The following RALGPS2 variants were observed in gnomAD, a reference collection of about 807,000 sequenced individuals.
RALGPS2 encodes the protein ras-specific guanine nucleotide-releasing factor RalGPS2.
RALGPS2 carries 43 observed loss-of-function variants against 86.8 expected under a neutral mutation model. The ratio of observed to expected loss-of-function variants is 0.50; its 90% confidence interval spans 0.39 to 0.64. The LOEUF (loss-of-function observed/expected upper bound fraction) is 0.64, where lower values mean the gene tolerates loss of function less well. Among genes scored for constraint, RALGPS2 ranks in the 30% least tolerant of loss-of-function variants. RALGPS2 has a pLI of 0.00. For missense variants in RALGPS2, 536 were observed against 694.6 expected, an observed-to-expected ratio of 0.77 and a Z score of 2.57; for synonymous variants, 243 against 231.3, an observed-to-expected ratio of 1.05 and a Z score of -0.46.
chr1:178,873,558 G>A (rs564331282), intron 8 of RALGPS2, among the ~76,000 whole-genome samples: 2 of 152,236 alleles, frequency 1.3e-5, no homozygotes, highest in East Asian at 3.9e-4. Context: ...TTGTAAAGTT[G>A]AATATTAATA....
At chr1:178,858,514 C>T (rs999877953) in intron 8 of RALGPS2, among the ~76,000 whole-genome samples, 5 of 152,042 alleles carry the variant, frequency 3.3e-5, no homozygotes, top group Non-Finnish European at 7.4e-5. Flanking sequence ...CTGGAATTAC[C>T]TTTCTTTTAA....
Position 178,810,609 on chromosome 1 carries a change from A to G in RALGPS2, c.298-706A>G, listed in dbSNP as rs12034754. ...TTTTAGTAGCCCAAGTATAGTAACA[A>G]GTATTAAGGTGACTTTGTAAAATAT... On this transcript the variant is annotated intron_variant, in intron 5 of 19. Coordinates refer to ENST00000367635, the MANE Select transcript of RALGPS2 (RefSeq NM_152663.5). 5.3e-5 allele frequency among the ~76,000 whole-genome samples: 8 copies of G among 152,008 alleles called. No homozygotes were observed. The East Asian group carries it at 1.5e-3, about 29-fold the overall frequency.
At chr1:178,746,806 ACT>A (rs1158680076) in intron 1 of RALGPS2, 2 of 1,030,910 alleles carry the variant, frequency 1.9e-6, no homozygotes, top group Non-Finnish European at 3.1e-6. Context: ...TCCGTAGAAC[ACT>A]CTCATTGTTC....
chr1:178,827,646 C>T (rs984475278), intron 7 of RALGPS2, among the ~76,000 whole-genome samples: 2 of 151,998 alleles, frequency 1.3e-5, no homozygotes, highest in African/African-American at 2.4e-5. Context: ...CCGCCCGCCT[C>T]GGCCTCCCAA....
chr1:178,791,143 C>T (rs971461846), intron 4 of RALGPS2, among the ~76,000 whole-genome samples: 2 of 152,062 alleles, frequency 1.3e-5, no homozygotes, highest in Non-Finnish European at 2.9e-5. Context: ...TTTTTTGAGA[C>T]AGAGTCTCAC....
intron 8 of RALGPS2, among the ~76,000 whole-genome samples, chr1:178,857,113 ATTTC>A (rs1043310589): frequency 6.6e-6 from 1 of 152,182 alleles, no homozygotes; most frequent in Non-Finnish European, 1.5e-5. Flanking sequence ...CAGAATTTTA[ATTTC>A]TTATGTGGGA....
chr1:178,821,435 T>G (rs1655499202), intron 6 of RALGPS2, among the ~76,000 whole-genome samples, 177 bp from the exon 7 acceptor site: 1 of 152,210 alleles, frequency 6.6e-6, no homozygotes, highest in African/African-American at 2.4e-5. Context: ...GTAAGTTCTG[T>G]TGTGCACCAA....
intron 7 of RALGPS2, among the ~76,000 whole-genome samples, chr1:178,831,559 C>T (rs947018910): frequency 6.6e-6 from 1 of 151,976 alleles, no homozygotes; most frequent in Non-Finnish European, 1.5e-5. Context: ...AGGCTTGCCC[C>T]CATTTGTCAT....
chr1:178,796,093 AAGG>A (rs1654178432), intron 4 of RALGPS2, among the ~76,000 whole-genome samples: 1 of 152,122 alleles, frequency 6.6e-6, no homozygotes, highest in Non-Finnish European at 1.5e-5. Context: ...ATAATAAGAT[AAGG>A]CTTAGATTAG....
At position 178,913,835 on chromosome 1, in the gene RALGPS2, G is replaced by T. The variant is rs76221478; in HGVS notation, c.1723-2495G>T. The stretch of plus-strand genomic sequence containing the variant: ...TGGCTTTTTCCTCTGGCCTCTTGAG[G>T]TCGACCACCGGCTGCACTGGGTGGA... On this transcript the variant is annotated intron_variant, in intron 19 of 19. Coordinates refer to ENST00000367635, the MANE Select transcript of RALGPS2 (RefSeq NM_152663.5). Among the ~76,000 whole-genome samples the T allele has an allele frequency of 5.3e-4, 80 of 152,230 alleles. 2 individuals are homozygous for T. The East Asian group carries it at 0.015, about 29-fold the overall frequency.
intron 1 of RALGPS2, among the ~76,000 whole-genome samples, chr1:178,741,074 TCTAA>T (rs558560905): frequency 1.7e-4 from 26 of 152,124 alleles, no homozygotes; most frequent in Non-Finnish European, 3.7e-4. Context: ...CAACTAAGAG[TCTAA>T]CTATAGTTAA....
At chr1:178,869,612 A>G (rs1211730075) in intron 8 of RALGPS2, among the ~76,000 whole-genome samples, 1 of 152,056 alleles carries the variant, frequency 6.6e-6, no homozygotes, top group Non-Finnish European at 1.5e-5. Context: ...ATTTTGTTAG[A>G]ATTTCTTGTA....
chr1:178,832,479 A>G (rs1656071495), intron 7 of RALGPS2, among the ~76,000 whole-genome samples: 1 of 152,156 alleles, frequency 6.6e-6, no homozygotes, highest in South Asian at 2.1e-4. Context: ...AGTGGGTAAC[A>G]GAGAGTATTA....
chr1:178,859,087 A>G (rs932024084), intron 8 of RALGPS2, among the ~76,000 whole-genome samples: 10 of 152,128 alleles, frequency 6.6e-5, no homozygotes, highest in African/African-American at 2.2e-4. Context: ...CTGTAATAAT[A>G]TGAATTACTT....
At chr1:178,916,060 C>G (rs1444493612) in intron 19 of RALGPS2, among the ~76,000 whole-genome samples, 3 of 152,194 alleles carry the variant, frequency 2.0e-5, no homozygotes, top group Non-Finnish European at 4.4e-5. Context: ...ACTGAGCCCC[C>G]TGTGTTAGAC....
chr1:178,808,824 A>G (rs1654852414), intron 5 of RALGPS2, among the ~76,000 whole-genome samples: 2 of 152,130 alleles, frequency 1.3e-5, no homozygotes, highest in South Asian at 4.2e-4. Flanking sequence ...TACCAAATCC[A>G]GTTAAAGGCA....
intron 1 of RALGPS2, among the ~76,000 whole-genome samples, chr1:178,731,271 G>GTTTTTTTTTTTTT (rs1491268143): frequency 4.3e-5 from 3 of 69,360 alleles, no homozygotes; most frequent in African/African-American, 1.6e-4. Flanking sequence ...TAGTTGTTTT[G>GTTTTTTTTTTTTT]GTTTTTTTTT....
intron 8 of RALGPS2, among the ~76,000 whole-genome samples, chr1:178,848,082 G>A (rs949911735): frequency 6.6e-6 from 1 of 152,140 alleles, no homozygotes; most frequent in Non-Finnish European, 1.5e-5. Flanking sequence ...GCCAAGGTGG[G>A]AGGATCACTT....
chr1:178,861,859 A>C (rs1658037280), intron 8 of RALGPS2, among the ~76,000 whole-genome samples: 1 of 151,856 alleles, frequency 6.6e-6, no homozygotes, highest in Non-Finnish European at 1.5e-5. Flanking sequence ...AAAGGGATTG[A>C]GGTTTGTTTG....
Sources: gnomAD v4.1 joint callset for allele counts (sites outside exome capture counted in the v4.1 genomes callset) on GRCh38, gnomAD v4.1.1 for gene constraint, MANE v1.5 for transcripts, NCBI Gene and HGNC (gene_info 2026-07-23, HGNC 2026-07-21) for gene names.